Variants in PKD1L1 observed in about 807,000 individuals in gnomAD.
PKD1L1 encodes the protein polycystin 1 like 1, transient receptor potential channel interacting.
PKD1L1 carries 236 observed loss-of-function variants against 323.4 expected under a neutral mutation model. The observed-to-expected ratio is 0.73, with a 90% CI of 0.66 to 0.81. The LOEUF is 0.81. PKD1L1 is among the 40% of genes least tolerant of loss of function. The pLI, the probability that PKD1L1 is intolerant of heterozygous loss-of-function variation, is 0.00. For synonymous variants in PKD1L1, 1,344 were observed against 1,335.0 expected, an observed-to-expected ratio of 1.01 and a Z score of -0.15; for missense variants, 3,320 against 3,508.0, an observed-to-expected ratio of 0.95 and a Z score of 1.35.
Position 47,890,721 on chromosome 7 carries a change from G to A in PKD1L1, c.2496C>T (p.Pro832=). The A allele has an allele frequency of 6.2e-7, 1 of 1,613,110 alleles. No homozygotes were observed. The highest frequency in any genetic ancestry group is 1.3e-5 in the African/African-American group (1 of 75,014). ...GGTGTGCAGTGGAGGAGTCGAAGCAGGGATGTGCTGGGGAGCCAGCGGTGG... is the reference window on the plus strand; with the variant it reads ...GGTGTGCAGTGGAGGAGTCGAAGCAAGGATGTGCTGGGGAGCCAGCGGTGG... The part of the protein sequence containing the change: ...ECATAGSPAH[P]CFDSSTAHQL... The change falls in exon 16 of 57, where the codon CCC becomes CCT. Residue 832 remains proline, a synonymous_variant. Transcript: ENST00000289672.
chr7:47,904,566 C>T lies in PKD1L1; in HGVS notation c.1743G>A (p.Glu581=). The part of the protein sequence containing the change: ...ASNRMSSVVS[E]PHVIRVQKKI... ...TCTTCTGCACCCTGATGACATGGGG[C>T]TCAGAGACCACACTGCTCATCCTGT... is the stretch of plus-strand genomic sequence containing the variant. The change falls in exon 12 of 57, where the codon GAG becomes GAA. Residue 581 remains glutamate, a synonymous_variant. Transcript: ENST00000289672. The T allele has an allele frequency of 6.2e-7, 1 of 1,614,110 alleles. No homozygotes were observed.
intron 14 of PKD1L1, among the ~76,000 whole-genome samples, chr7:47,894,344 A>C (rs763251934): frequency 1.4e-4 from 21 of 152,174 alleles, no homozygotes; most frequent in Non-Finnish European, 2.5e-4. Flanking sequence ...CCATGTGTGC[A>C]CATTTTATAG....
Position 47,902,369 on chromosome 7 carries a change from C to T in PKD1L1, c.2064+10G>A. 1.2e-6 allele frequency: 2 copies of T among 1,613,338 alleles called. No homozygotes were observed. The highest frequency in any genetic ancestry group is 1.7e-6 in the Non-Finnish European group (2 of 1,179,776). ...AGGCTGGTGGAGGATTTCCCAGACTCCGAGCCTACCTGGACTTTCCCAGGC... is the reference window on the plus strand; with the variant it reads ...AGGCTGGTGGAGGATTTCCCAGACTTCGAGCCTACCTGGACTTTCCCAGGC... On this transcript the variant is annotated intron_variant, in intron 13 of 56. Transcript: ENST00000289672.
chr7:47,880,027 T>G (rs559490239), intron 21 of PKD1L1, among the ~76,000 whole-genome samples: 1 of 151,450 alleles, frequency 6.6e-6, no homozygotes, highest in South Asian at 2.1e-4. Context: ...CTAGAAGTTC[T>G]GCAAAACGAT....
chr7:47,941,869 T>C (rs1033639194), intron 2 of PKD1L1, among the ~76,000 whole-genome samples: 16 of 152,128 alleles, frequency 1.1e-4, no homozygotes, highest in Non-Finnish European at 2.9e-5. Context: ...GTACATAAAA[T>C]TGCAAAATTG....
chr7:47,780,005 C>T (rs1381138328), intron 56 of PKD1L1, among the ~76,000 whole-genome samples: 2 of 151,248 alleles, frequency 1.3e-5, no homozygotes, highest in Non-Finnish European at 2.9e-5. Context: ...ATTTTGTATG[C>T]TATAACAACC....
At chr7:47,875,744 T>A (rs550600542) in intron 23 of PKD1L1, among the ~76,000 whole-genome samples, 18 of 152,366 alleles carry the variant, frequency 1.2e-4, no homozygotes, top group African/African-American at 4.3e-4. Flanking sequence ...TACCTTGATT[T>A]GGTTTCATCT....
Position 47,844,941 on chromosome 7 carries a change from G to T in PKD1L1, c.5237+54C>A, listed in dbSNP as rs6950328. On this transcript the variant is annotated intron_variant, in intron 33 of 56. Coordinates refer to ENST00000289672, the MANE Select transcript of PKD1L1 (RefSeq NM_138295.5). ...GGAATTATATGTGGGCATCCTGAGTGAACAGTAAAACAAATAAAGTCTATG... is the reference window on the plus strand; with the variant it reads ...GGAATTATATGTGGGCATCCTGAGTTAACAGTAAAACAAATAAAGTCTATG... 6,532 of 1,472,944 alleles carry T rather than the reference G, an allele frequency of 4.4e-3. 224 individuals carry two copies. In the African/African-American group the frequency reaches 0.076, roughly 17 times the overall value. 91.2% of individuals were successfully genotyped at this position (1,472,944 alleles called of 1,614,324 possible).
rs17659646 is a variant in PKD1L1, at chr7:47,792,948, G to T, written c.8356-151C>A. On this transcript the variant is annotated intron_variant, in intron 55 of 56. Coordinates refer to ENST00000289672, the MANE Select transcript of PKD1L1 (RefSeq NM_138295.5). ...ACTCTGCCTGCAGTTAGAAGACCTG[G>T]GTGCTGGGCCTACTCTTACATCTCT... The T allele has an allele frequency of 8.5e-3, 5,803 of 678,862 alleles. 389 individuals are homozygous for T. The East Asian group carries it at 0.14, about 17-fold the overall frequency. 42.1% of individuals were successfully genotyped at this position (678,862 alleles called of 1,614,324 possible).
chr7:47,851,843 C>T (rs1376549690), intron 31 of PKD1L1, among the ~76,000 whole-genome samples: 1 of 151,554 alleles, frequency 6.6e-6, no homozygotes, highest in East Asian at 1.9e-4. Context: ...GAAAAAAAGG[C>T]AAAAATTGGG....
rs146134302 is a variant in PKD1L1 at position 47,812,323 on chromosome 7, C to CA, written c.7347-273dup. ...GAGGGACCTGGAGAACGGAGGCCTC[C>CA]ATTTCCCACCCCAACCCATGTGAGG... is the stretch of plus-strand genomic sequence containing the variant. On this transcript the variant is annotated intron_variant, in intron 49 of 56. Coordinates refer to ENST00000289672, the MANE Select transcript of PKD1L1 (RefSeq NM_138295.5). 0.087 allele frequency among the ~76,000 whole-genome samples: 13,184 copies of CA among 152,152 alleles called. 686 individuals are homozygous for CA. The highest frequency in any genetic ancestry group is 0.16 in the South Asian group (773 of 4,822).
At chr7:47,917,797 C>T (rs1787460000) in intron 7 of PKD1L1, among the ~76,000 whole-genome samples, 1 of 152,104 alleles carries the variant, frequency 6.6e-6, no homozygotes, top group Non-Finnish European at 1.5e-5. Flanking sequence ...CAAGCTACCA[C>T]TACAAGAACT....
chr7:47,831,125 C>A, intron 42 of PKD1L1, 92 bp downstream of exon 42: 1 of 1,458,654 alleles, frequency 6.9e-7, no homozygotes, highest in East Asian at 2.3e-5. Context: ...GAGCCTGCAT[C>A]TGATGAGTTC....
intron 15 of PKD1L1, among the ~76,000 whole-genome samples, chr7:47,891,153 T>G (rs1035706652): frequency 1.3e-5 from 2 of 152,174 alleles, no homozygotes; most frequent in Non-Finnish European, 2.9e-5. Flanking sequence ...GACAGCTCCA[T>G]GTGACAGACA....
At position 47,898,081 on chromosome 7, in the gene PKD1L1, A is replaced by G. The variant is rs368739726; in HGVS notation, c.2178T>C (p.Pro726=). Residue 726 remains proline, a synonymous_variant, in exon 14 of 57, where the codon CCT becomes CCC. Transcript: ENST00000289672. ...TWNLMDSEGL[P]VSLPAAVDTH... is the part of the protein sequence containing the mutation. ...TGTCCACAGCAGCAGGGAGGGAGAC[A>G]GGGAGCCCTTCAGAGTCCATCAAGT... 22 of 1,613,948 alleles carry G rather than the reference A, an allele frequency of 1.4e-5. No individual in the cohort carries two copies. The highest frequency in any genetic ancestry group is 1.8e-5 in the Non-Finnish European group (21 of 1,180,028).
intron 9 of PKD1L1, among the ~76,000 whole-genome samples, chr7:47,907,449 C>T (rs778292479): frequency 6.6e-6 from 1 of 152,186 alleles, no homozygotes; most frequent in Non-Finnish European, 1.5e-5. Context: ...TCTGAGCTTC[C>T]GGTCCCTCCC....
intron 24 of PKD1L1, among the ~76,000 whole-genome samples, chr7:47,870,601 C>T (rs1240334396): frequency 6.6e-6 from 1 of 152,178 alleles, no homozygotes; most frequent in African/African-American, 2.4e-5. Context: ...CTGAATCAGT[C>T]ATTTCAAAAT....
In PKD1L1 at chr7:47,864,780, G is replaced by A. The variant is rs560446538; in HGVS notation, c.4149+436C>T. Among the ~76,000 whole-genome samples the A allele has an allele frequency of 1.3e-3, 194 of 148,880 alleles. 1 individual carries two copies. The highest frequency in any genetic ancestry group is 4.7e-3 in the African/African-American group (191 of 40,330). On this transcript the variant is annotated intron_variant, in intron 26 of 56. Transcript: ENST00000289672. ...GTTGCCCAGGCTGGAGTGCAGTGGC[G>A]CGATCTCGGCTCACTGCAACCTCCG...
intron 11 of PKD1L1, 44 bp from the exon 12 acceptor site, chr7:47,904,661 C>T (rs542905741): frequency 8.9e-6 from 14 of 1,581,726 alleles, no homozygotes; most frequent in East Asian, 2.3e-5. Context: ...GATGGCAAGA[C>T]AAGAACAGGG....
Sources: allele counts gnomAD v4.1 joint callset (sites outside exome capture counted in the v4.1 genomes callset), GRCh38; gene constraint gnomAD v4.1.1; transcripts MANE v1.5; gene names NCBI Gene and HGNC (gene_info 2026-07-23, HGNC 2026-07-21).